Variants in PSMD14 observed in about 807,000 individuals in gnomAD.
PSMD14 encodes proteasome 26S subunit, non-ATPase 14.
A neutral mutation model predicts 41.2 loss-of-function variants in PSMD14; 7 were observed. The observed-to-expected ratio is 0.17, with a 90% confidence interval of 0.10 to 0.32. The LOEUF is 0.32. Among genes scored for constraint, PSMD14 ranks in the 10% least tolerant of loss-of-function variants. The pLI, the probability that PSMD14 is intolerant of heterozygous loss-of-function variation, is 1.00. For missense variants in PSMD14, 139 were observed against 375.6 expected (o/e 0.37, Z 5.21); for synonymous variants, 114 against 122.3 (o/e 0.93, Z 0.45).
intron 1 of PSMD14, among the ~76,000 whole-genome samples, chr2:161,311,737 C>A (rs1057086240): frequency 6.6e-6 from 1 of 150,920 alleles, no homozygotes; most frequent in African/African-American, 2.4e-5. Flanking sequence ...GCTGCCTCAG[C>A]CTGCCTAGCT....
intron 3 of PSMD14, among the ~76,000 whole-genome samples, chr2:161,329,093 G>A (rs1395015402): frequency 6.6e-6 from 1 of 152,082 alleles, no homozygotes; most frequent in Non-Finnish European, 1.5e-5. Context: ...GCAGGGCCCT[G>A]TAGAAAATTC....
At chr2:161,377,285 T>G (rs1683516830) in intron 7 of PSMD14, among the ~76,000 whole-genome samples, 1 of 151,922 alleles carries the variant, frequency 6.6e-6, no homozygotes, top group Admixed American at 6.6e-5. Flanking sequence ...ATCGAATACA[T>G]AAAGAAATCT....
chr2:161,346,571 C>A (rs1683045791), intron 3 of PSMD14, among the ~76,000 whole-genome samples: 1 of 148,500 alleles, frequency 6.7e-6, no homozygotes, highest in African/African-American at 2.5e-5. Context: ...AGTCTTATCT[C>A]GTGTGCTGGC....
intron 1 of PSMD14, among the ~76,000 whole-genome samples, chr2:161,315,370 C>A (rs1273385840): frequency 6.6e-6 from 1 of 152,134 alleles, no homozygotes; most frequent in Non-Finnish European, 1.5e-5. Flanking sequence ...GTCTCCTTCC[C>A]ATTCATCTTT....
At chr2:161,320,030 C>A (rs569513574) in intron 3 of PSMD14, among the ~76,000 whole-genome samples, 1 of 152,254 alleles carries the variant, frequency 6.6e-6, no homozygotes, top group South Asian at 2.1e-4. Context: ...GAGGCCTAAG[C>A]CTCTTTGAAC....
At chr2:161,375,760 A>G (rs935471305) in intron 7 of PSMD14, among the ~76,000 whole-genome samples, 1 of 151,916 alleles carries the variant, frequency 6.6e-6, no homozygotes, top group Non-Finnish European at 1.5e-5. Context: ...GCCAGGTACC[A>G]TGTCTTCACA....
At chr2:161,377,964 G>C (rs746754454) in intron 7 of PSMD14, among the ~76,000 whole-genome samples, 1 of 151,856 alleles carries the variant, frequency 6.6e-6, no homozygotes, top group Non-Finnish European at 1.5e-5. Flanking sequence ...AAGTGGAAAC[G>C]TGGAAACTAT....
chr2:161,384,458 TATAA>T (rs938723290), intron 7 of PSMD14: 2 of 151,734 alleles, frequency 1.3e-5, no homozygotes, highest in African/African-American at 4.8e-5. Context: ...GTAATAATTG[TATAA>T]ATAAGAACAA....
intron 7 of PSMD14, among the ~76,000 whole-genome samples, chr2:161,374,288 G>A (rs567167514): frequency 6.6e-6 from 1 of 152,050 alleles, no homozygotes; most frequent in South Asian, 2.1e-4. Flanking sequence ...ATAGTTTTCT[G>A]TAGGTATTAT....
chr2:161,357,238 C>T (rs1683221106), intron 3 of PSMD14, among the ~76,000 whole-genome samples: 1 of 151,306 alleles, frequency 6.6e-6, no homozygotes, highest in Admixed American at 6.6e-5. Context: ...ATGATAATAT[C>T]TGTCTTACTA....
chr2:161,411,108 A>T (rs1269429904), intron 11 of PSMD14, among the ~76,000 whole-genome samples, 194 bp from the exon 12 acceptor site: 4 of 152,082 alleles, frequency 2.6e-5, no homozygotes, highest in African/African-American at 9.7e-5. Flanking sequence ...GTAATCTATT[A>T]TTTTATTAGC....
intron 3 of PSMD14, among the ~76,000 whole-genome samples, chr2:161,342,132 C>G (rs1368856557): frequency 6.6e-6 from 1 of 152,088 alleles, no homozygotes; most frequent in Non-Finnish European, 1.5e-5. Context: ...CCTGATGGCC[C>G]TTTATTTCTT....
chr2:161,326,890 A>T (rs1022392457), intron 3 of PSMD14, among the ~76,000 whole-genome samples: 1 of 152,138 alleles, frequency 6.6e-6, no homozygotes, highest in African/African-American at 2.4e-5. Context: ...AATATATATA[A>T]AACATTTTTA....
chr2:161,330,568 TATCAG>T (rs1325214623), intron 3 of PSMD14, among the ~76,000 whole-genome samples: 2 of 152,200 alleles, frequency 1.3e-5, no homozygotes, highest in African/African-American at 2.4e-5. Context: ...GTTCTCTAAT[TATCAG>T]ATTCATTTAA....
At chr2:161,361,630 CATAA>C (rs1219342749) in intron 3 of PSMD14, among the ~76,000 whole-genome samples, 1 of 151,904 alleles carries the variant, frequency 6.6e-6, no homozygotes, top group Non-Finnish European at 1.5e-5. Context: ...AAAAAGAAAA[CATAA>C]ATGAACAAAT....
chr2:161,337,780 T>G (rs1056779939), intron 3 of PSMD14, among the ~76,000 whole-genome samples: 4 of 152,200 alleles, frequency 2.6e-5, no homozygotes, highest in African/African-American at 9.6e-5. Flanking sequence ...AGGAAGGGGA[T>G]TAGACTATGG....
intron 10 of PSMD14, among the ~76,000 whole-genome samples, chr2:161,405,256 TA>T (rs900360474): frequency 6.6e-6 from 1 of 152,190 alleles, no homozygotes; most frequent in African/African-American, 2.4e-5. Context: ...TGTTCCTCCC[TA>T]ATGCATTCTT....
At chr2:161,407,942 T>C (rs1683974513) in intron 10 of PSMD14, 1 of 152,096 alleles carries the variant, frequency 6.6e-6, no homozygotes, top group African/African-American at 2.4e-5. Context: ...CTGTTAAGAT[T>C]TCTTACGTGT....
At chr2:161,359,963 T>C (rs770743074) in intron 3 of PSMD14, among the ~76,000 whole-genome samples, 8 of 152,166 alleles carry the variant, frequency 5.3e-5, no homozygotes, top group Non-Finnish European at 1.0e-4. Context: ...ACCACACAGC[T>C]AAAGTGGTAG....
Sources: gnomAD v4.1 joint callset for allele counts (sites outside exome capture counted in the v4.1 genomes callset) on GRCh38, gnomAD v4.1.1 for gene constraint, MANE v1.5 for transcripts, NCBI Gene and HGNC (gene_info 2026-07-23, HGNC 2026-07-21) for gene names.